B3GLCT: variants seen among roughly 807,000 people sequenced by gnomAD.
B3GLCT encodes beta 3-glucosyltransferase.
In B3GLCT, 65 loss-of-function variants were observed where a neutral mutation model predicts 63.4. That is an observed-to-expected ratio of 1.03 (90% confidence interval 0.84 to 1.26). B3GLCT has a LOEUF of 1.26. Ranked by LOEUF, B3GLCT falls within the 50% of genes most tolerant of loss-of-function variation. The pLI, the probability that B3GLCT is intolerant of heterozygous loss-of-function variation, is 0.00. For missense variants in B3GLCT, 577 were observed against 604.8 expected, an observed-to-expected ratio of 0.95 and a Z score of 0.48; for synonymous variants, 233 against 219.2, an observed-to-expected ratio of 1.06 and a Z score of -0.55.
At chr13:31,296,713 T>TA (rs967754683) in intron 12 of B3GLCT, among the ~76,000 whole-genome samples, 2 of 147,254 alleles carry the variant, frequency 1.4e-5, no homozygotes, top group Non-Finnish European at 1.5e-5. Context: ...ATTTTTTTTT[T>TA]ATCACCATCT....
rs548888281 is a variant in B3GLCT, at chr13:31,318,499, A to G, written c.1184+814A>G. Among the ~76,000 whole-genome samples, 8 of 152,292 alleles carry G rather than the reference A, an allele frequency of 5.3e-5. No homozygotes were observed. In the East Asian group the frequency reaches 1.5e-3, roughly 29 times the overall value. Reference sequence around the variant, plus strand: ...CATCCTGATTTTGTTTAGCCAATACAGTGGTGAAGATAACACGGTTATGGT... The same window carrying G: ...CATCCTGATTTTGTTTAGCCAATACGGTGGTGAAGATAACACGGTTATGGT... On this transcript the variant is annotated intron_variant, in intron 13 of 14. Coordinates refer to ENST00000343307, the MANE Select transcript of B3GLCT (RefSeq NM_194318.4).
At chr13:31,200,916 C>G (rs1388788482) in intron 1 of B3GLCT, among the ~76,000 whole-genome samples, 1 of 152,034 alleles carries the variant, frequency 6.6e-6, no homozygotes, top group Non-Finnish European at 1.5e-5. Context: ...AGTGCTTGCC[C>G]GGTCTCCTGC....
In B3GLCT at chr13:31,229,265, A is replaced by G; in HGVS notation, c.241A>G (p.Ile81Val). The change falls in exon 4 of 15, where the codon ATC becomes GTC. Residue 81 changes from isoleucine (I) to valine (V), a missense_variant. By Grantham distance (29) the Ile-to-Val change is conservative. Transcript: ENST00000343307. ...GAGAGCAGAGCAGTTAAAAAAAAGC[A>G]TCTTAAAGCAGGCTGCAGATCTTAC... The part of the protein sequence containing the change: ...AKRAEQLKKS[I>V]LKQAADLTQE... The G allele has an allele frequency of 6.2e-7, 1 of 1,612,666 alleles. No homozygotes were observed. Among genetic ancestry groups the G allele is most frequent in the South Asian group, 1.1e-5 (1 of 91,058 alleles).
chr13:31,288,213 C>G (rs908486759), intron 12 of B3GLCT, among the ~76,000 whole-genome samples: 1 of 152,186 alleles, frequency 6.6e-6, no homozygotes, highest in Non-Finnish European at 1.5e-5. Flanking sequence ...ACAGTACCCA[C>G]TGCCCCACTC....
intron 12 of B3GLCT, among the ~76,000 whole-genome samples, chr13:31,308,347 T>TAAAAAAAACAAACA (rs1874500814): frequency 4.2e-5 from 1 of 23,670 alleles, no homozygotes; most frequent in Non-Finnish European, 1.2e-4. Context: ...AAAAAAAAAT[T>TAAAAAAAACAAACA]AAAAAAAAAA....
At chr13:31,301,905 C>T (rs1874240177) in intron 12 of B3GLCT, among the ~76,000 whole-genome samples, 1 of 152,156 alleles carries the variant, frequency 6.6e-6, no homozygotes, top group Non-Finnish European at 1.5e-5. Flanking sequence ...TTATTCATTC[C>T]ATTTTTTAAT....
intron 12 of B3GLCT, among the ~76,000 whole-genome samples, chr13:31,300,091 T>C (rs1437497312): frequency 4.6e-5 from 7 of 152,146 alleles, no homozygotes; most frequent in African/African-American, 1.7e-4. Flanking sequence ...TTTACCCTGG[T>C]ATTGAATTGC....
intron 12 of B3GLCT, chr13:31,311,572 G>A (rs145334517): frequency 5.9e-5 from 9 of 152,352 alleles, no homozygotes; most frequent in African/African-American, 9.6e-5. Context: ...AAAGCTGAAA[G>A]TAAATTCAGT....
chr13:31,222,996 G>A lies in B3GLCT; in HGVS notation c.160+5G>A. On this transcript the variant is annotated splice_donor_5th_base_variant and intron_variant, in intron 3 of 14. Coordinates refer to ENST00000343307, the MANE Select transcript of B3GLCT (RefSeq NM_194318.4). ...TATCAAGGAAAAATGACATAGGTAA[G>A]TAATGATTTTTTTTACCTAAGAGTG... The A allele has an allele frequency of 6.7e-7, 1 of 1,488,380 alleles. No individual in the cohort carries two copies. The highest frequency in any genetic ancestry group is 9.4e-7 in the Non-Finnish European group (1 of 1,066,522). 92.2% of individuals were successfully genotyped at this position (1,488,380 alleles called of 1,614,324 possible). A position where few individuals can be genotyped will look rare whatever the true frequency, so the allele number is the denominator to read the frequency against.
chr13:31,221,042 G>T (rs982449154), intron 2 of B3GLCT, among the ~76,000 whole-genome samples: 2 of 152,236 alleles, frequency 1.3e-5, no homozygotes, highest in Non-Finnish European at 2.9e-5. Flanking sequence ...ATGGCGGTGT[G>T]AGGAAGAGCA....
intron 12 of B3GLCT, 69 bp downstream of exon 12, chr13:31,286,888 G>T (rs1206445122): frequency 1.8e-6 from 2 of 1,110,506 alleles, no homozygotes; most frequent in African/African-American, 3.1e-5. Flanking sequence ...AACTAGATGG[G>T]TACTTTTTCT....
chr13:31,301,864 G>A (rs1201750573), intron 12 of B3GLCT, among the ~76,000 whole-genome samples: 1 of 152,260 alleles, frequency 6.6e-6, no homozygotes, highest in Non-Finnish European at 1.5e-5. Flanking sequence ...GTTGTATTAA[G>A]ACTTTTGTTT....
intron 14 of B3GLCT, among the ~76,000 whole-genome samples, chr13:31,328,265 A>T (rs1875733140): frequency 6.6e-6 from 1 of 151,452 alleles, no homozygotes; most frequent in South Asian, 2.1e-4. Flanking sequence ...AGACTGTAAT[A>T]AAAAAAGTAG....
chr13:31,250,701 A>G (rs1871385824), intron 6 of B3GLCT, among the ~76,000 whole-genome samples: 1 of 152,206 alleles, frequency 6.6e-6, no homozygotes, highest in African/African-American at 2.4e-5. Flanking sequence ...GAAAAAAGGC[A>G]GCAGCCCCAG....
intron 1 of B3GLCT, among the ~76,000 whole-genome samples, chr13:31,202,621 G>A (rs1868738056): frequency 6.6e-6 from 1 of 152,222 alleles, no homozygotes; most frequent in Admixed American, 6.5e-5. Flanking sequence ...ACATTTCTCA[G>A]TGGCCTTTGC....
intron 5 of B3GLCT, 70 bp from the exon 6 acceptor site, chr13:31,247,785 G>A (rs1428006600): frequency 1.3e-6 from 1 of 781,798 alleles, no homozygotes; most frequent in African/African-American, 1.7e-5. Flanking sequence ...ACTTCCTACT[G>A]ATCAGTTTTA....
intron 6 of B3GLCT, 139 bp downstream of exon 6, chr13:31,248,105 T>C (rs752622787): frequency 2.1e-5 from 13 of 621,456 alleles, no homozygotes; most frequent in Non-Finnish European, 3.7e-5. Flanking sequence ...GTTGAATATC[T>C]GAGATATGTT....
intron 6 of B3GLCT, among the ~76,000 whole-genome samples, chr13:31,252,565 A>G (rs1234741053): frequency 1.3e-5 from 2 of 152,194 alleles, no homozygotes; most frequent in African/African-American, 2.4e-5. Flanking sequence ...GGGGGTTGCA[A>G]TCCTAGTCTC....
At chr13:31,282,415 G>A (rs562742412) in intron 10 of B3GLCT, among the ~76,000 whole-genome samples, 13 of 152,132 alleles carry the variant, frequency 8.5e-5, no homozygotes, top group South Asian at 2.1e-4. Flanking sequence ...CGAGGCGGGC[G>A]GATCACGAGG....
Sources: gnomAD v4.1 joint callset for allele counts (sites outside exome capture counted in the v4.1 genomes callset) on GRCh38, gnomAD v4.1.1 for gene constraint, MANE v1.5 for transcripts, NCBI Gene and HGNC (gene_info 2026-07-23, HGNC 2026-07-21) for gene names.